Variants in PRIM1 observed in about 807,000 individuals in gnomAD.
PRIM1 encodes the protein DNA primase small subunit.
In PRIM1, 38 loss-of-function variants were observed where a neutral mutation model predicts 60.2. The observed-to-expected ratio is 0.63, with a 90% CI of 0.49 to 0.83. PRIM1 has a LOEUF of 0.83. PRIM1 is among the 40% of genes least tolerant of loss of function. PRIM1 has a pLI of 0.00. For synonymous variants in PRIM1, 158 were observed against 160.2 expected, an observed-to-expected ratio of 0.99 and a Z score of 0.10; for missense variants, 388 against 506.2, an observed-to-expected ratio of 0.77 and a Z score of 2.24.
In PRIM1 at chr12:56,731,635, T is replaced by C. The variant is rs1953786384; in HGVS notation, c.*80A>G. 1.6e-6 allele frequency: 2 copies of C among 1,273,464 alleles called. No homozygotes were observed. The highest frequency in any genetic ancestry group is 4.9e-5 in the Admixed American group (2 of 40,634). The allele number at this position is 1,273,464 out of a possible 1,614,324, so 78.9% of individuals were successfully genotyped here. On this transcript the variant is annotated 3_prime_UTR_variant, in exon 13 of 13. Transcript: ENST00000338193. ...TTAAGACACATATATAGTTCTGCCA[T>C]ATTTATTAAATGGCTCTTGAAGTAT... is the stretch of plus-strand genomic sequence containing the variant.
At chr12:56,739,595 A>G (rs1411475585) in intron 9 of PRIM1, among the ~76,000 whole-genome samples, 2 of 152,194 alleles carry the variant, frequency 1.3e-5, no homozygotes, top group Non-Finnish European at 2.9e-5. Flanking sequence ...ATACAGTAGC[A>G]TGGTCATAGC....
intron 11 of PRIM1, 57 bp downstream of exon 11, chr12:56,738,377 A>G: frequency 3.9e-6 from 6 of 1,527,026 alleles, no homozygotes; most frequent in Non-Finnish European, 5.3e-6. Context: ...GGAGTGACAG[A>G]TGGATATCTA....
intron 11 of PRIM1, among the ~76,000 whole-genome samples, chr12:56,737,729 TTTTG>T (rs995256665): frequency 1.3e-5 from 2 of 151,734 alleles, no homozygotes; most frequent in African/African-American, 4.8e-5. Flanking sequence ...AATTCTTTTT[TTTTG>T]TTTGTTTATT....
Position 56,737,326 on chromosome 12 carries a change from G to C in PRIM1, c.1144+1108C>G, listed in dbSNP as rs1010240412. On this transcript the variant is annotated intron_variant, in intron 11 of 12. Transcript: ENST00000338193. ...TGGTACCTGATGCCAAAAAGGTTGG[G>C]GAGTGCTGCGCTGCTATGCGGCATC... Among the ~76,000 whole-genome samples the C allele has an allele frequency of 5.3e-5, 8 of 151,706 alleles. No individual in the cohort carries two copies. In the South Asian group the frequency reaches 1.5e-3, roughly 28 times the overall value.
chr12:56,744,207 T>C (rs1449231087), intron 5 of PRIM1, 84 bp from the exon 6 acceptor site: 11 of 1,053,612 alleles, frequency 1.0e-5, no homozygotes, highest in South Asian at 7.2e-5. Context: ...TTAGTCATGA[T>C]GGACTGCATA....
At chr12:56,743,850 C>A (rs930817966) in intron 6 of PRIM1, 10 of 422,598 alleles carry the variant, frequency 2.4e-5, no homozygotes, top group Non-Finnish European at 4.2e-5. Flanking sequence ...AATGGAGATA[C>A]CATCAAGTCT....
chr12:56,746,669 CACACACAAAT>C, intron 4 of PRIM1, 102 bp downstream of exon 4: 7 of 786,822 alleles, frequency 8.9e-6, no homozygotes, highest in South Asian at 7.1e-5. Flanking sequence ...CACACACACA[CACACACAAAT>C]TAATGAGATT....
Position 56,734,173 on chromosome 12 carries a change from C to T in PRIM1, c.1217G>A (p.Arg406Gln), listed in dbSNP as rs201428535. The T allele has an allele frequency of 2.9e-5, 47 of 1,606,704 alleles. No individual in the cohort carries two copies. Among genetic ancestry groups the T allele is most frequent in the Admixed American group, 8.4e-5 (5 of 59,750 alleles). The change falls in exon 12 of 13, where the codon CGA becomes CAA. Residue 406 changes from arginine (R) to glutamine (Q), a missense_variant. By Grantham distance (43) the Arg-to-Gln change is conservative. Coordinates refer to ENST00000338193, the MANE Select transcript of PRIM1 (RefSeq NM_000946.3). ...ACTCTTCTTAAGAAGTTCTCCTTTT[C>T]GGGATTTATCCAGATTTTCAAGAAA... ...EHFLENLDKSRKGELLKKSDL... is the reference protein window; with the variant it reads ...EHFLENLDKSQKGELLKKSDL...
intron 9 of PRIM1, among the ~76,000 whole-genome samples, chr12:56,739,883 A>G (rs1953858955): frequency 6.6e-6 from 1 of 152,152 alleles, no homozygotes. Flanking sequence ...TCACGCCTGT[A>G]ATCCCAGCAC....
chr12:56,738,614 C>T (rs756458268), intron 10 of PRIM1, 89 bp from the exon 11 acceptor site: 320 of 1,371,534 alleles, frequency 2.3e-4, no homozygotes, highest in Non-Finnish European at 2.9e-4. Context: ...TGTGGTGGTG[C>T]GATCTTGGCT....
rs1200370200 is a variant in PRIM1 at position 56,731,698 on chromosome 12, T to G, written c.*17A>C. 1.3e-6 allele frequency: 2 copies of G among 1,510,694 alleles called. No homozygotes were observed. The highest frequency in any genetic ancestry group is 1.8e-6 in the Non-Finnish European group (2 of 1,113,516). The allele number at this position is 1,510,694 out of a possible 1,614,324, so 93.6% of individuals were successfully genotyped here. Reference sequence around the variant, plus strand: ...TGAAGGCAGAAGATATCCACAATGGTTTGAGGAGCTCTGTCTTCAGAAATC... The same window carrying G: ...TGAAGGCAGAAGATATCCACAATGGGTTGAGGAGCTCTGTCTTCAGAAATC... On this transcript the variant is annotated 3_prime_UTR_variant, in exon 13 of 13. Transcript: ENST00000338193.
chr12:56,750,377 G>C (rs754880636), intron 2 of PRIM1, among the ~76,000 whole-genome samples: 2 of 151,026 alleles, frequency 1.3e-5, no homozygotes, highest in African/African-American at 2.4e-5. Context: ...CTAATAGAAT[G>C]GGTATGGGAA....
intron 5 of PRIM1, 111 bp from the exon 6 acceptor site, chr12:56,744,234 G>T: frequency 1.3e-6 from 1 of 765,702 alleles, no homozygotes; most frequent in Non-Finnish European, 2.1e-6. Context: ...GGTGGGCACG[G>T]TGGCTCACAC....
intron 7 of PRIM1, among the ~76,000 whole-genome samples, chr12:56,742,610 C>G (rs1205864477): frequency 6.6e-6 from 1 of 151,884 alleles, no homozygotes; most frequent in Non-Finnish European, 1.5e-5. Flanking sequence ...CCAAACCAAA[C>G]CAACACCAGT....
chr12:56,742,500 C>T (rs899807255), intron 7 of PRIM1, among the ~76,000 whole-genome samples: 3 of 151,632 alleles, frequency 2.0e-5, no homozygotes, highest in African/African-American at 7.3e-5. Flanking sequence ...ACCCGGGAGG[C>T]GGAGGTTGCA....
At chr12:56,749,273 T>C (rs1368056789) in intron 2 of PRIM1, among the ~76,000 whole-genome samples, 2 of 152,160 alleles carry the variant, frequency 1.3e-5, no homozygotes, top group South Asian at 2.1e-4. Flanking sequence ...CCTCTCAAAG[T>C]GCTAGAGTTA....
chr12:56,734,059 G>A (rs1010914046), intron 12 of PRIM1, 88 bp downstream of exon 12: 17 of 830,252 alleles, frequency 2.0e-5, no homozygotes, highest in Non-Finnish European at 3.0e-5. Context: ...TTTGGGAGGA[G>A]GGCAAAGAAA....
intron 1 of PRIM1, 32 bp downstream of exon 1, chr12:56,752,164 C>G: frequency 6.7e-7 from 1 of 1,492,012 alleles, no homozygotes; most frequent in Non-Finnish European, 9.2e-7. Flanking sequence ...TCCTCACACT[C>G]CGCTCCCGAA....
chr12:56,744,244 C>T (rs1953891466), intron 5 of PRIM1, 121 bp from the exon 6 acceptor site: 1 of 661,588 alleles, frequency 1.5e-6, no homozygotes, highest in African/African-American at 1.8e-5. Context: ...GTGGCTCACA[C>T]CTGTAATCCC....
Sources: gnomAD v4.1 joint callset for allele counts (sites outside exome capture counted in the v4.1 genomes callset) on GRCh38, gnomAD v4.1.1 for gene constraint, MANE v1.5 for transcripts, NCBI Gene and HGNC (gene_info 2026-07-23, HGNC 2026-07-21) for gene names.